TRAK1: variants seen among roughly 807,000 people sequenced by gnomAD.
The protein encoded by TRAK1 is trafficking kinesin-binding protein 1.
A neutral mutation model predicts 92.1 loss-of-function variants in TRAK1; 33 were observed. The ratio of observed to expected loss-of-function variants is 0.36; its 90% CI spans 0.27 to 0.48. The LOEUF (loss-of-function observed/expected upper bound fraction) is 0.48, where lower values mean the gene tolerates loss of function less well. TRAK1 is among the 20% of genes least tolerant of loss of function. TRAK1 has a pLI of 0.99. For missense variants in TRAK1, 1,123 were observed against 1,257.9 expected, an observed-to-expected ratio of 0.89 and a Z score of 1.62; for synonymous variants, 521 against 517.3, an observed-to-expected ratio of 1.01 and a Z score of -0.10.
chr3:42,096,907 C>T (rs1266302961), intron 1 of TRAK1, among the ~76,000 whole-genome samples: 2 of 152,224 alleles, frequency 1.3e-5, no homozygotes, highest in African/African-American at 4.8e-5. Flanking sequence ...AAGAAAAATG[C>T]ATACAGTTTA....
intron 1 of TRAK1, among the ~76,000 whole-genome samples, chr3:42,043,623 G>A (rs921366694): frequency 3.6e-4 from 55 of 152,068 alleles, no homozygotes; most frequent in Non-Finnish European, 5.3e-4. Context: ...GCTGGGGGGG[G>A]GGCGGGGGGA....
chr3:42,166,050 C>T (rs1308546461), intron 2 of TRAK1, among the ~76,000 whole-genome samples: 1 of 152,104 alleles, frequency 6.6e-6, no homozygotes, highest in Admixed American at 6.5e-5. Flanking sequence ...TGTCTCTTAC[C>T]TGACACCTTT....
At chr3:42,127,811 T>A (rs1200536969) in intron 2 of TRAK1, among the ~76,000 whole-genome samples, 1 of 152,174 alleles carries the variant, frequency 6.6e-6, no homozygotes, top group African/African-American at 2.4e-5. Context: ...GGTTTTATCA[T>A]AGGTGAAATG....
chr3:42,112,088 G>A (rs1283181969), intron 1 of TRAK1, among the ~76,000 whole-genome samples: 1 of 148,956 alleles, frequency 6.7e-6, no homozygotes, highest in African/African-American at 2.5e-5. Context: ...TTGGGAAGAG[G>A]AATTCCATGA....
intron 1 of TRAK1, among the ~76,000 whole-genome samples, chr3:42,052,492 C>G (rs1703022184): frequency 6.6e-6 from 1 of 152,216 alleles, no homozygotes; most frequent in Non-Finnish European, 1.5e-5. Context: ...CTGAGGCTTC[C>G]TCAGGGAAAT....
intron 2 of TRAK1, among the ~76,000 whole-genome samples, chr3:42,174,649 A>G (rs530244043): frequency 9.6e-4 from 142 of 148,452 alleles, no homozygotes; most frequent in Admixed American, 2.3e-3. Context: ...TTTTGTGTGT[A>G]TATATATATA....
chr3:42,195,692 AAT>A (rs1706511212), intron 10 of TRAK1, among the ~76,000 whole-genome samples: 2 of 152,144 alleles, frequency 1.3e-5, no homozygotes, highest in South Asian at 2.1e-4. Context: ...GTCAGGCTAG[AAT>A]AGCCACCACC....
chr3:42,208,356 T>G (rs1708573998), intron 13 of TRAK1, among the ~76,000 whole-genome samples: 1 of 152,092 alleles, frequency 6.6e-6, no homozygotes, highest in African/African-American at 2.4e-5. Context: ...CATTTATAAA[T>G]CCCTTTCAAG....
intron 1 of TRAK1, among the ~76,000 whole-genome samples, chr3:42,102,529 A>C (rs1177156192): frequency 2.6e-5 from 4 of 152,178 alleles, no homozygotes; most frequent in Non-Finnish European, 5.9e-5. Context: ...TTCTTGTCTC[A>C]TGACCAGGGA....
intron 1 of TRAK1, among the ~76,000 whole-genome samples, chr3:42,105,229 C>T (rs541333203): frequency 6.6e-6 from 1 of 152,306 alleles, no homozygotes; most frequent in African/African-American, 2.4e-5. Context: ...GCTGGGATTA[C>T]AGGCATGAGC....
At position 42,197,006 on chromosome 3, in the gene TRAK1, A is replaced by T. The variant is rs7427852; in HGVS notation, c.1113+2065A>T. Among the ~76,000 whole-genome samples the T allele has an allele frequency of 6.9e-3, 656 of 94,730 alleles. 9 individuals carry two copies. The highest frequency in any genetic ancestry group is 0.021 in the African/African-American group (559 of 26,492). 62.1% of individuals were successfully genotyped at this position (94,730 alleles called of 152,430 possible). ...CTTTCTCTCTCTCTCTCTCTCTCAC[A>T]CACACACACACACACACACACACAC... On this transcript the variant is annotated intron_variant, in intron 10 of 15. Transcript: ENST00000327628.
At chr3:42,207,403 C>T (rs1708455593) in intron 13 of TRAK1, among the ~76,000 whole-genome samples, 1 of 152,142 alleles carries the variant, frequency 6.6e-6, no homozygotes, top group Non-Finnish European at 1.5e-5. Flanking sequence ...GCAGCTGGGA[C>T]ACTGATGTCC....
chr3:42,091,628 C>T, intron 1 of TRAK1, 68 bp downstream of exon 1: 1 of 1,469,774 alleles, frequency 6.8e-7, no homozygotes, highest in Non-Finnish European at 9.3e-7. Flanking sequence ...GGAGAAAAGA[C>T]CACAGGAGAA....
intron 13 of TRAK1, among the ~76,000 whole-genome samples, chr3:42,208,442 T>G (rs1011040207): frequency 6.6e-6 from 1 of 152,194 alleles, no homozygotes; most frequent in Admixed American, 6.5e-5. Flanking sequence ...GCGCACACCA[T>G]GCGGCCTCTC....
At chr3:42,081,845 T>G (rs943453073) in intron 1 of TRAK1, among the ~76,000 whole-genome samples, 14 of 152,224 alleles carry the variant, frequency 9.2e-5, no homozygotes, top group African/African-American at 3.1e-4. Context: ...TTTTACAGAA[T>G]TCAGTAGTTT....
Position 42,201,887 on chromosome 3 carries a change from C to CGG in TRAK1, c.1428-549_1428-548insGG, listed in dbSNP as rs1559378256. Among the ~76,000 whole-genome samples the CGG allele has an allele frequency of 7.4e-5, 7 of 94,202 alleles. No individual in the cohort carries two copies. In the South Asian group the frequency reaches 1.0e-3, roughly 14 times the overall value. 61.8% of individuals were successfully genotyped at this position (94,202 alleles called of 152,430 possible). A position where few individuals can be genotyped will look rare whatever the true frequency, so the allele number is the denominator to read the frequency against. Reference sequence around the variant, plus strand: ...GGACGGACGGACGGACAGACGGACACACACACACACACACACACACACACA... The same window carrying CGG: ...GGACGGACGGACGGACAGACGGACACGGACACACACACACACACACACACACA... On this transcript the variant is annotated intron_variant, in intron 12 of 15. Transcript: ENST00000327628.
chr3:42,185,364 A>G (rs1004030373), intron 4 of TRAK1, among the ~76,000 whole-genome samples: 6 of 152,228 alleles, frequency 3.9e-5, no homozygotes, highest in African/African-American at 1.4e-4. Flanking sequence ...TTTTCATGAT[A>G]GAAACCCTCT....
At chr3:42,017,100 AAC>A (rs1053159817) in intron 1 of TRAK1, among the ~76,000 whole-genome samples, 1 of 152,146 alleles carries the variant, frequency 6.6e-6, no homozygotes, top group Non-Finnish European at 1.5e-5. Flanking sequence ...TCTCTACTAA[AAC>A]ACAAAAAAAG....
At chr3:42,062,178 A>C (rs907647042) in intron 1 of TRAK1, among the ~76,000 whole-genome samples, 1 of 152,164 alleles carries the variant, frequency 6.6e-6, no homozygotes. Context: ...CTGTGGATGA[A>C]GTGGAATTTT....
Sources: gnomAD v4.1 joint callset for allele counts (sites outside exome capture counted in the v4.1 genomes callset) on GRCh38, gnomAD v4.1.1 for gene constraint, MANE v1.5 for transcripts, NCBI Gene and HGNC (gene_info 2026-07-23, HGNC 2026-07-21) for gene names.